The following LRRIQ1 variants were observed in gnomAD, a reference collection of about 807,000 sequenced individuals.
The protein encoded by LRRIQ1 is leucine rich repeats and IQ motif containing 1.
In LRRIQ1, 210 loss-of-function variants were observed where a neutral mutation model predicts 211.9. That is an observed-to-expected ratio of 0.99 (90% CI 0.89 to 1.11). The LOEUF is 1.11. LRRIQ1 is among the 50% of genes most tolerant of loss of function. The pLI, the probability that LRRIQ1 is intolerant of heterozygous loss-of-function variation, is 0.00. For missense variants in LRRIQ1, 2,136 were observed against 1,939.5 expected, an observed-to-expected ratio of 1.10 and a Z score of -1.90; for synonymous variants, 699 against 650.1, an observed-to-expected ratio of 1.08 and a Z score of -1.14.
chr12:85,197,295 A>T (rs1192197764), intron 24 of LRRIQ1, among the ~76,000 whole-genome samples: 2 of 151,628 alleles, frequency 1.3e-5, no homozygotes, highest in Non-Finnish European at 3.0e-5. Context: ...CTAGAACTGG[A>T]AATACCATTT....
intron 20 of LRRIQ1, among the ~76,000 whole-genome samples, chr12:85,152,818 G>T (rs920060963): frequency 1.3e-5 from 2 of 151,420 alleles, no homozygotes; most frequent in African/African-American, 4.8e-5. Context: ...CATTTTCTAT[G>T]TGAGAGCTAT....
At chr12:85,184,880 G>T (rs1001411318) in intron 24 of LRRIQ1, among the ~76,000 whole-genome samples, 2 of 151,936 alleles carry the variant, frequency 1.3e-5, no homozygotes, top group South Asian at 2.1e-4. Context: ...AAATATATAA[G>T]AACTAAACTT....
At chr12:85,217,743 A>ATGTG (rs1391447748) in intron 24 of LRRIQ1, among the ~76,000 whole-genome samples, 1 of 104,114 alleles carries the variant, frequency 9.6e-6, no homozygotes, top group African/African-American at 1.4e-4. Flanking sequence ...TATATATGTA[A>ATGTG]TGTGTGTGTA....
At chr12:85,145,116 C>T (rs1889799818) in intron 19 of LRRIQ1, among the ~76,000 whole-genome samples, 2 of 151,542 alleles carry the variant, frequency 1.3e-5, no homozygotes, top group South Asian at 2.1e-4. Flanking sequence ...TCTTCTCAAA[C>T]TTATTTTTTC....
intron 4 of LRRIQ1, among the ~76,000 whole-genome samples, chr12:85,045,660 A>G (rs1249939639): frequency 6.6e-6 from 1 of 151,944 alleles, no homozygotes; most frequent in Admixed American, 6.6e-5. Context: ...AAGTTTGTGT[A>G]TGTGAACAGT....
intron 1 of LRRIQ1, among the ~76,000 whole-genome samples, chr12:85,037,416 T>A (rs575291959): frequency 6.6e-6 from 1 of 152,198 alleles, no homozygotes; most frequent in Admixed American, 6.5e-5. Flanking sequence ...TAAAGCTTTT[T>A]AAATGCACTT....
chr12:85,195,408 T>A (rs1892846444), intron 24 of LRRIQ1, among the ~76,000 whole-genome samples: 1 of 151,764 alleles, frequency 6.6e-6, no homozygotes, highest in African/African-American at 2.4e-5. Flanking sequence ...TGATGAACAT[T>A]GATGCAAAAA....
intron 24 of LRRIQ1, among the ~76,000 whole-genome samples, chr12:85,223,216 G>A (rs946157108): frequency 6.6e-6 from 1 of 152,154 alleles, no homozygotes; most frequent in Non-Finnish European, 1.5e-5. Flanking sequence ...AAGAAACTAT[G>A]CCAATCAGGT....
intron 2 of LRRIQ1, 129 bp downstream of exon 2, chr12:85,038,437 A>ATTGT: frequency 4.6e-6 from 2 of 432,842 alleles, no homozygotes; most frequent in Non-Finnish European, 7.0e-6. Flanking sequence ...ATAAATATAA[A>ATTGT]TTATATTGAA....
intron 2 of LRRIQ1, among the ~76,000 whole-genome samples, chr12:85,039,780 T>G (rs1878646924): frequency 6.6e-6 from 1 of 151,640 alleles, no homozygotes; most frequent in South Asian, 2.1e-4. Flanking sequence ...TTGAGGTCCC[T>G]CAGTGAAGTG....
At chr12:85,227,806 A>G (rs1894738839) in intron 24 of LRRIQ1, among the ~76,000 whole-genome samples, 2 of 152,156 alleles carry the variant, frequency 1.3e-5, no homozygotes, top group South Asian at 4.1e-4. Context: ...ACAGCATGGT[A>G]CTGGTACCAA....
At chr12:85,136,427 A>C (rs1471617497) in intron 18 of LRRIQ1, among the ~76,000 whole-genome samples, 1 of 151,882 alleles carries the variant, frequency 6.6e-6, no homozygotes, top group Admixed American at 6.6e-5. Context: ...AGAACATATT[A>C]TGTGATTGGT....
intron 24 of LRRIQ1, among the ~76,000 whole-genome samples, chr12:85,183,643 G>T: frequency 6.6e-6 from 1 of 152,094 alleles, no homozygotes; most frequent in East Asian, 1.9e-4. Flanking sequence ...CTGTATGGAA[G>T]TTCAATGTGC....
downstream of LRRIQ1, among the ~76,000 whole-genome samples, chr12:85,265,648 T>C (rs1360169576): frequency 6.6e-6 from 1 of 152,006 alleles, no homozygotes; most frequent in African/African-American, 2.4e-5. Flanking sequence ...GTACTTAAAA[T>C]ATGGCTAATC....
chr12:85,227,041 C>T (rs948295859), intron 24 of LRRIQ1, among the ~76,000 whole-genome samples: 1 of 151,378 alleles, frequency 6.6e-6, no homozygotes, highest in Admixed American at 6.6e-5. Flanking sequence ...TGGGTATATG[C>T]CCAGTAATGG....
In LRRIQ1 at chr12:85,057,105, T is replaced by C; in HGVS notation, c.2312T>C (p.Val771Ala). The change falls in exon 8 of 27, where the codon GTG (valine) becomes GCG (alanine). Residue 771 changes from valine (V) to alanine (A), a missense_variant. Coordinates refer to ENST00000393217, the MANE Select transcript of LRRIQ1 (RefSeq NM_001079910.2). ...QKKIVRRKRP[V>A]KCPANMTPAL... Reference sequence around the variant, plus strand: ...AAAATTGTTAGAAGAAAGAGACCTGTGAAATGCCCAGCCAACATGACACCC... The same window carrying C: ...AAAATTGTTAGAAGAAAGAGACCTGCGAAATGCCCAGCCAACATGACACCC... The C allele has an allele frequency of 6.2e-7, 1 of 1,604,334 alleles. No individual in the cohort carries two copies. Among genetic ancestry groups the C allele is most frequent in the Non-Finnish European group, 8.5e-7 (1 of 1,176,984 alleles).
chr12:85,121,727 G>A lies in LRRIQ1; in HGVS notation c.3408G>A (p.Leu1136=), dbSNP rs759778832. The A allele has an allele frequency of 1.3e-6, 2 of 1,594,864 alleles. No individual in the cohort carries two copies. Among genetic ancestry groups the A allele is most frequent in the East Asian group, 2.3e-5 (1 of 44,148 alleles). ...CTCTACTTAAAGTGTTGCCTGCTCT[G>A]AGAATCCTCAATGGCAATATACTAA... The part of the protein sequence containing the change: ...RDSLLKVLPA[L]RILNGNILNS... The change falls in exon 16 of 27, where the codon CTG becomes CTA. Residue 1136 remains leucine, a synonymous_variant. Coordinates refer to ENST00000393217, the MANE Select transcript of LRRIQ1 (RefSeq NM_001079910.2).
At chr12:85,141,527 TTAAC>T (rs903821466) in intron 19 of LRRIQ1, among the ~76,000 whole-genome samples, 31 of 150,952 alleles carry the variant, frequency 2.1e-4, no homozygotes, top group African/African-American at 6.5e-4. Flanking sequence ...GTTTCTCTCT[TTAAC>T]TAATTGCTTA....
chr12:85,149,654 C>G (rs544731547), intron 19 of LRRIQ1, among the ~76,000 whole-genome samples: 2 of 151,626 alleles, frequency 1.3e-5, no homozygotes, highest in African/African-American at 4.8e-5. Flanking sequence ...ATTTTATTTC[C>G]CTCAGCATAC....
Sources: allele counts gnomAD v4.1 joint callset (sites outside exome capture counted in the v4.1 genomes callset), GRCh38; gene constraint gnomAD v4.1.1; transcripts MANE v1.5; gene names NCBI Gene and HGNC (gene_info 2026-07-23, HGNC 2026-07-21).